The following EML5 variants were observed in gnomAD, a reference collection of about 807,000 sequenced individuals.
EML5 encodes echinoderm microtubule-associated protein-like 5.
Under a neutral mutation model 250.0 loss-of-function variants are expected in EML5, and 120 were observed. The ratio of observed to expected loss-of-function variants is 0.48; its 90% CI spans 0.41 to 0.56. The LOEUF is 0.56. Among genes scored for constraint, EML5 ranks in the 20% least tolerant of loss-of-function variants. The pLI, the probability that EML5 is intolerant of heterozygous loss-of-function variation, is 0.00. For missense variants in EML5, 2,006 were observed against 2,437.6 expected (o/e 0.82, Z 3.73); for synonymous variants, 771 against 806.5 (o/e 0.96, Z 0.75).
intron 21 of EML5, among the ~76,000 whole-genome samples, chr14:88,667,034 G>T (rs1457257551): frequency 2.6e-5 from 4 of 151,992 alleles, no homozygotes; most frequent in African/African-American, 4.8e-5. Context: ...TGACCAACTG[G>T]ATGTGGGGTG....
rs187911753 is a variant in EML5, at chr14:88,743,521, C to T, written c.525+502G>A. Among the ~76,000 whole-genome samples, 33 of 152,144 alleles carry T rather than the reference C, an allele frequency of 2.2e-4. No individual in the cohort carries two copies. In the East Asian group the frequency reaches 6.4e-3, roughly 29 times the overall value. On this transcript the variant is annotated intron_variant, in intron 4 of 43. Coordinates refer to ENST00000554922, the MANE Select transcript of EML5 (RefSeq NM_183387.3). ...ACAAGCACTTGAATATACACTGCCG[C>T]CTTATTTAATCATCAATTCTTTGAG...
chr14:88,675,884 G>T (rs550399865), intron 21 of EML5, among the ~76,000 whole-genome samples: 1 of 151,416 alleles, frequency 6.6e-6, no homozygotes, highest in East Asian at 1.9e-4. Context: ...AAATCTCCAG[G>T]GCTGAGGGAA....
Position 88,613,489 on chromosome 14 carries a change from TAATAA to T in EML5, c.*2324_*2328del, listed in dbSNP as rs1427989500. The T allele has an allele frequency of 6.6e-6, 1 of 152,222 alleles. No homozygotes were observed. The highest frequency in any genetic ancestry group is 1.5e-5 in the Non-Finnish European group (1 of 67,996). The allele number at this position is 152,222 out of a possible 1,614,324, so 9.4% of individuals were successfully genotyped here. On this transcript the variant is annotated 3_prime_UTR_variant, in exon 44 of 44. Transcript: ENST00000554922. ...TTAGTTCAGCCATTTTACAAGGAAA[TAATAA>T]AATACTAAAATCTGATTGTTTTTTG...
intron 7 of EML5, among the ~76,000 whole-genome samples, chr14:88,733,853 A>G (rs1432116810): frequency 1.3e-5 from 2 of 152,222 alleles, no homozygotes; most frequent in African/African-American, 4.8e-5. Flanking sequence ...ATGTACTGGA[A>G]GAATATATTG....
chr14:88,771,396 T>G (rs1001478597), intron 1 of EML5, among the ~76,000 whole-genome samples: 2 of 152,240 alleles, frequency 1.3e-5, no homozygotes, highest in Non-Finnish European at 2.9e-5. Context: ...CCTTGAACTC[T>G]CCGCTTGTGT....
intron 1 of EML5, among the ~76,000 whole-genome samples, chr14:88,765,736 T>C (rs990060419): frequency 6.6e-6 from 1 of 152,216 alleles, no homozygotes; most frequent in Non-Finnish European, 1.5e-5. Flanking sequence ...GACTCAGAAA[T>C]TGAGTCCCCT....
intron 32 of EML5, among the ~76,000 whole-genome samples, chr14:88,637,266 T>C (rs1323947517): frequency 6.6e-6 from 1 of 152,192 alleles, no homozygotes; most frequent in Non-Finnish European, 1.5e-5. Flanking sequence ...GCTACATATA[T>C]AATCTAAAAT....
chr14:88,621,547 A>C, intron 37 of EML5: 1 of 526,194 alleles, frequency 1.9e-6, no homozygotes. Flanking sequence ...CTGTGGCAGT[A>C]CACCTGGATT....
chr14:88,734,073 T>G (rs1045520127), intron 7 of EML5, among the ~76,000 whole-genome samples: 1 of 148,056 alleles, frequency 6.8e-6, no homozygotes, highest in East Asian at 2.0e-4. Context: ...AGGCAAAGAG[T>G]TAACATCCAT....
chr14:88,722,917 T>C (rs1364750092), intron 8 of EML5, among the ~76,000 whole-genome samples: 1 of 151,510 alleles, frequency 6.6e-6, no homozygotes, highest in African/African-American at 2.4e-5. Context: ...AAAATTAAAA[T>C]AAAAAAAATG....
At chr14:88,780,446 G>T (rs934742681) in intron 1 of EML5, among the ~76,000 whole-genome samples, 1 of 152,124 alleles carries the variant, frequency 6.6e-6, no homozygotes, top group Non-Finnish European at 1.5e-5. Context: ...ATCAGTCAGG[G>T]TTCTGCAGAG....
Position 88,708,485 on chromosome 14 carries a change from GAAGAAAGA to G in EML5, c.1658-2067_1658-2060del, listed in dbSNP as rs2093354132. Among the ~76,000 whole-genome samples the G allele has an allele frequency of 3.9e-5, 6 of 152,162 alleles. No individual in the cohort carries two copies. The South Asian group carries it at 1.2e-3, about 32-fold the overall frequency. ...TATAGCAAACACTCATTAGATATTTGAAGAAAGAGAAAAAGAAAGGAAAAGCAAAGATT... is the reference window on the plus strand; with the variant it reads ...TATAGCAAACACTCATTAGATATTTGGAAAAAGAAAGGAAAAGCAAAGATT... On this transcript the variant is annotated intron_variant, in intron 10 of 43. Coordinates refer to ENST00000554922, the MANE Select transcript of EML5 (RefSeq NM_183387.3).
intron 20 of EML5, among the ~76,000 whole-genome samples, chr14:88,683,674 T>G (rs991156748): frequency 6.6e-6 from 1 of 151,940 alleles, no homozygotes; most frequent in Non-Finnish European, 1.5e-5. Flanking sequence ...ATTGACAACA[T>G]CAAAAATCAA....
chr14:88,763,080 A>G (rs2094269597), intron 1 of EML5, among the ~76,000 whole-genome samples: 1 of 152,214 alleles, frequency 6.6e-6, no homozygotes, highest in Non-Finnish European at 1.5e-5. Context: ...TCGACACCCT[A>G]ACATCACAAT....
In EML5 at chr14:88,694,772, T is replaced by C. The variant is rs142543867; in HGVS notation, c.2439-365A>G. ...CAACTACAAAATTCCTCTTAAACTA[T>C]TGTTAATTTGAGCATTATCTATATG... On this transcript the variant is annotated intron_variant, in intron 16 of 43. Transcript: ENST00000554922. Among the ~76,000 whole-genome samples the C allele has an allele frequency of 1.3e-3, 196 of 152,318 alleles. 1 individual carries two copies. The highest frequency in any genetic ancestry group is 4.2e-3 in the African/African-American group (174 of 41,586).
At chr14:88,710,075 C>T (rs1173247998) in intron 10 of EML5, among the ~76,000 whole-genome samples, 2 of 151,936 alleles carry the variant, frequency 1.3e-5, no homozygotes, top group Non-Finnish European at 2.9e-5. Flanking sequence ...TCCATTCTCC[C>T]TGACCCTGAC....
chr14:88,622,391 A>C (rs575632171), intron 37 of EML5: 2 of 399,328 alleles, frequency 5.0e-6, no homozygotes, highest in African/African-American at 2.1e-5. Flanking sequence ...GGAGGTTTAC[A>C]TACAGTATTT....
intron 25 of EML5, among the ~76,000 whole-genome samples, chr14:88,660,084 T>C (rs1567078779): frequency 6.6e-6 from 1 of 151,910 alleles, no homozygotes. Context: ...GAGACCAGCA[T>C]AGGCAACATC....
chr14:88,742,550 A>T (rs2093939657), intron 4 of EML5, among the ~76,000 whole-genome samples: 1 of 152,144 alleles, frequency 6.6e-6, no homozygotes. Context: ...TTTTATAAAA[A>T]CCTGAAAATG....
Sources: gnomAD v4.1 joint callset for allele counts (sites outside exome capture counted in the v4.1 genomes callset) on GRCh38, gnomAD v4.1.1 for gene constraint, MANE v1.5 for transcripts, NCBI Gene and HGNC (gene_info 2026-07-23, HGNC 2026-07-21) for gene names.